Variants in ROBO2 observed in about 807,000 individuals in gnomAD.
The protein encoded by ROBO2 is roundabout homolog 2.
In ROBO2, 53 loss-of-function variants were observed where a neutral mutation model predicts 160.8. The observed-to-expected ratio is 0.33, with a 90% confidence interval of 0.26 to 0.41. ROBO2 has a LOEUF of 0.41. ROBO2 is among the 10% of genes least tolerant of loss of function. The pLI, the probability that ROBO2 is intolerant of heterozygous loss-of-function variation, is 1.00. For synonymous variants in ROBO2, 664 were observed against 611.7 expected (o/e 1.09, Z -1.26); for missense variants, 1,577 against 1,722.4 (o/e 0.92, Z 1.49).
intron 2 of ROBO2, among the ~76,000 whole-genome samples, chr3:77,374,438 A>T (rs2153479707): frequency 6.6e-6 from 1 of 152,250 alleles, no homozygotes; most frequent in East Asian, 1.9e-4. Context: ...TATTAAAAAT[A>T]TATGTCACTG....
intron 2 of ROBO2, among the ~76,000 whole-genome samples, chr3:76,963,836 CAAAAAAAAA>C (rs11407644): frequency 7.5e-5 from 8 of 106,240 alleles, no homozygotes; most frequent in Admixed American, 2.1e-4. Context: ...TGAGGAACTG[CAAAAAAAAA>C]AAAAGAAAAA....
intron 2 of ROBO2, among the ~76,000 whole-genome samples, chr3:77,362,977 A>T (rs2070273263): frequency 6.6e-6 from 1 of 152,254 alleles, no homozygotes; most frequent in African/African-American, 2.4e-5. Flanking sequence ...AACATGTGGG[A>T]ATTGCAGGAG....
chr3:77,308,414 C>G (rs1454534754), intron 2 of ROBO2, among the ~76,000 whole-genome samples: 10 of 152,116 alleles, frequency 6.6e-5, no homozygotes, highest in African/African-American at 2.4e-4. Flanking sequence ...AGGCATTAGT[C>G]TAGGTGGGAG....
intron 2 of ROBO2, among the ~76,000 whole-genome samples, chr3:77,468,458 C>T (rs137989552): frequency 4.2e-4 from 64 of 152,224 alleles, no homozygotes; most frequent in Middle Eastern, 3.4e-3. Context: ...TTACAGAGAG[C>T]GCGATGTTTC....
intron 2 of ROBO2, among the ~76,000 whole-genome samples, chr3:76,502,874 A>G (rs1246991741): frequency 6.6e-6 from 1 of 152,192 alleles, no homozygotes; most frequent in Non-Finnish European, 1.5e-5. Context: ...CTTGGCAAGA[A>G]AAATGTAGAT....
chr3:76,237,653 A>G (rs985164430), intron 2 of ROBO2, among the ~76,000 whole-genome samples: 4 of 152,198 alleles, frequency 2.6e-5, no homozygotes, highest in Non-Finnish European at 5.9e-5. Context: ...GTGCCAGGAG[A>G]ATACACTAAT....
intron 2 of ROBO2, among the ~76,000 whole-genome samples, chr3:76,557,523 A>C (rs1344937334): frequency 6.6e-6 from 1 of 151,622 alleles, no homozygotes; most frequent in Admixed American, 6.6e-5. Flanking sequence ...AGTTAGTTAA[A>C]TTGTGCCTCA....
At chr3:76,599,139 A>C (rs1322101739) in intron 2 of ROBO2, among the ~76,000 whole-genome samples, 2 of 152,160 alleles carry the variant, frequency 1.3e-5, no homozygotes, top group East Asian at 3.8e-4. Context: ...CTCATGTCAC[A>C]GGGCATTGAT....
At chr3:76,886,287 A>G (rs1462392787) in intron 2 of ROBO2, among the ~76,000 whole-genome samples, 2 of 151,388 alleles carry the variant, frequency 1.3e-5, no homozygotes, top group East Asian at 1.9e-4. Flanking sequence ...GACCCTTTGG[A>G]TTGCAGATAA....
intron 2 of ROBO2, among the ~76,000 whole-genome samples, chr3:76,659,463 T>C (rs1040060132): frequency 1.1e-4 from 17 of 151,702 alleles, no homozygotes; most frequent in African/African-American, 4.1e-4. Context: ...ACATGTAATA[T>C]GACTTAGGGC....
At chr3:76,539,257 A>C (rs2108201616) in intron 2 of ROBO2, among the ~76,000 whole-genome samples, 1 of 152,040 alleles carries the variant, frequency 6.6e-6, no homozygotes, top group African/African-American at 2.4e-5. Flanking sequence ...GGCTTTTAAA[A>C]CCTGGAGGAC....
chr3:76,384,271 G>A (rs182537371), intron 2 of ROBO2, among the ~76,000 whole-genome samples: 5 of 152,242 alleles, frequency 3.3e-5, no homozygotes, highest in Non-Finnish European at 7.4e-5. Context: ...TAGCTTTTTA[G>A]TATGCTATTT....
intron 2 of ROBO2, among the ~76,000 whole-genome samples, chr3:76,896,283 G>C (rs1371508124): frequency 6.6e-6 from 1 of 152,080 alleles, no homozygotes; most frequent in Non-Finnish European, 1.5e-5. Context: ...TAAAACTACT[G>C]TAACTACCTG....
chr3:75,915,236 A>G (rs1946763081), intron 1 of ROBO2, among the ~76,000 whole-genome samples: 4 of 152,226 alleles, frequency 2.6e-5, no homozygotes, highest in African/African-American at 9.6e-5. Flanking sequence ...TACAGAAAGA[A>G]ATGATGGCTT....
chr3:76,995,903 C>T (rs1022600386), intron 2 of ROBO2, among the ~76,000 whole-genome samples: 6 of 152,024 alleles, frequency 3.9e-5, no homozygotes, highest in Non-Finnish European at 7.4e-5. Flanking sequence ...CTGTAGGTTG[C>T]CTGTTCACTC....
intron 2 of ROBO2, among the ~76,000 whole-genome samples, chr3:77,461,205 A>G (rs1023192173): frequency 1.3e-5 from 2 of 152,152 alleles, no homozygotes; most frequent in Non-Finnish European, 2.9e-5. Flanking sequence ...TGAACTTTTT[A>G]TTATGCAAAT....
At chr3:76,830,174 C>A (rs142877238) in intron 2 of ROBO2, among the ~76,000 whole-genome samples, 21 of 152,288 alleles carry the variant, frequency 1.4e-4, no homozygotes, top group African/African-American at 5.0e-4. Flanking sequence ...CTGTCCCCCC[C>A]TCCATGCATG....
chr3:76,185,377 A>T lies in ROBO2; in HGVS notation c.109+247775A>T, dbSNP rs577352560. Among the ~76,000 whole-genome samples, 3 of 151,826 alleles carry T rather than the reference A, an allele frequency of 2.0e-5. No homozygotes were observed. The South Asian group carries it at 6.2e-4, about 32-fold the overall frequency. On this transcript the variant is annotated intron_variant, in intron 2 of 26. Coordinates refer to the ROBO2 transcript ENST00000487694. The stretch of plus-strand genomic sequence containing the variant: ...CTTGCAAAATTAAATATATTTTCAC[A>T]TGTTTATTGGCTACTTGATAGCATT...
At chr3:76,276,508 A>G (rs1707931517) in intron 2 of ROBO2, among the ~76,000 whole-genome samples, 1 of 152,070 alleles carries the variant, frequency 6.6e-6, no homozygotes, top group Non-Finnish European at 1.5e-5. Context: ...TCTTTTGCAC[A>G]AATTATAACA....
Sources: allele counts gnomAD v4.1 joint callset (sites outside exome capture counted in the v4.1 genomes callset), GRCh38; gene constraint gnomAD v4.1.1; transcripts MANE v1.5; gene names NCBI Gene and HGNC (gene_info 2026-07-23, HGNC 2026-07-21).